The following WDFY4 variants were observed in gnomAD, a reference collection of about 807,000 sequenced individuals.
WDFY4 encodes the protein WDFY family member 4.
In WDFY4, 169 loss-of-function variants were observed where a neutral mutation model predicts 351.9. The observed-to-expected ratio is 0.48, with a 90% confidence interval of 0.42 to 0.55. The LOEUF (loss-of-function observed/expected upper bound fraction) is 0.55. Ranked by LOEUF, WDFY4 falls within the 20% of genes least tolerant of loss-of-function variation. WDFY4 has a pLI of 0.00. For synonymous variants in WDFY4, 1,622 were observed against 1,574.6 expected (o/e 1.03, Z -0.71); for missense variants, 3,803 against 3,935.6 (o/e 0.97, Z 0.90).
intron 25 of WDFY4, chr10:48,804,806 T>TTC: frequency 2.0e-6 from 2 of 983,760 alleles, no homozygotes; most frequent in Non-Finnish European, 2.4e-6. Context: ...TTCTGTCTTT[T>TTC]TCTCCTTTGA....
intron 37 of WDFY4, 39 bp downstream of exon 37, chr10:48,828,935 G>GGC (rs2068096366): frequency 1.2e-5 from 3 of 259,626 alleles, no homozygotes; most frequent in African/African-American, 5.2e-5. Flanking sequence ...GGCGGGGGGG[G>GGC]GGCGGGGAGG....
chr10:48,764,388 T>C (rs1324646736), intron 13 of WDFY4, among the ~76,000 whole-genome samples: 2 of 152,238 alleles, frequency 1.3e-5, no homozygotes, highest in Non-Finnish European at 2.9e-5. Context: ...GGATTTTTAC[T>C]ATGCACAGTG....
chr10:48,945,322 G>A (rs890891389), intron 49 of WDFY4, among the ~76,000 whole-genome samples: 6 of 152,162 alleles, frequency 3.9e-5, no homozygotes, highest in Admixed American at 3.9e-4. Context: ...GCTGCAGTGA[G>A]CCAGGACCAC....
rs1344776544 is a variant in WDFY4, at chr10:48,828,828, A to G, written c.6272A>G (p.His2091Arg). ...CCCAAGCCTAGAATGTCTACTTATC[A>G]TCAAGTCTTCCTTTCCCCAAATGAA... ...LEPKPRMSTY[H>R]QVFLSPNEDV... is the part of the protein sequence containing the mutation. Residue 2091 changes from histidine (H) to arginine (R), a missense_variant, in exon 37 of 62, where the codon CAT (histidine) becomes CGT (arginine). By Grantham distance (29) the His-to-Arg change is conservative (BLOSUM62 0). Around this residue, in one of 3 missense-constraint regions of WDFY4, gnomAD observed 3,054 missense variants for 3,148.6 expected, o/e 0.97. Coordinates refer to ENST00000325239, the MANE Select transcript of WDFY4 (RefSeq NM_001394531.1). 1.0e-5 allele frequency: 16 copies of G among 1,548,866 alleles called. No homozygotes were observed. Among genetic ancestry groups the G allele is most frequent in the South Asian group, 2.4e-5 (2 of 83,774 alleles).
intron 1 of WDFY4, among the ~76,000 whole-genome samples, chr10:48,707,408 CT>C (rs1382901206): frequency 1.8e-4 from 27 of 152,166 alleles, no homozygotes; most frequent in African/African-American, 6.5e-4. Context: ...TTCAGTTCTG[CT>C]GCCCCTGCCT....
chr10:48,958,409 G>A (rs909363894), intron 52 of WDFY4, among the ~76,000 whole-genome samples: 1 of 152,176 alleles, frequency 6.6e-6, no homozygotes, highest in Admixed American at 6.5e-5. Flanking sequence ...GGAGGCGGCT[G>A]GCCAGCCCGG....
At chr10:48,738,257 T>A (rs2064736747) in intron 11 of WDFY4, among the ~76,000 whole-genome samples, 2 of 152,216 alleles carry the variant, frequency 1.3e-5, no homozygotes, top group Admixed American at 6.5e-5. Context: ...TCATAGAAAG[T>A]TCCTTTTGTT....
intron 38 of WDFY4, 115 bp downstream of exon 38, chr10:48,831,000 C>A: frequency 1.0e-6 from 1 of 993,766 alleles, no homozygotes; most frequent in Non-Finnish European, 1.5e-6. Flanking sequence ...CTGTCTCATC[C>A]CTTAAGTGGA....
chr10:48,883,787 C>T (rs571495311), intron 43 of WDFY4, among the ~76,000 whole-genome samples: 193 of 152,264 alleles, frequency 1.3e-3, no homozygotes, highest in Non-Finnish European at 2.5e-3. Context: ...CTGGTGGTGC[C>T]GGGGCTAGGG....
chr10:48,863,600 C>T (rs992472880), intron 39 of WDFY4, among the ~76,000 whole-genome samples: 8 of 151,996 alleles, frequency 5.3e-5, no homozygotes, highest in African/African-American at 1.9e-4. Flanking sequence ...AGATATGAGT[C>T]CCTTATCAGA....
chr10:48,890,627 G>A lies in WDFY4; in HGVS notation c.7216G>A (p.Glu2406Lys). 6.4e-7 allele frequency: 1 copy of A among 1,551,732 alleles called. No homozygotes were observed. Among genetic ancestry groups the A allele is most frequent in the Non-Finnish European group, 8.7e-7 (1 of 1,146,994 alleles). The change falls in exon 44 of 62, where the codon GAA becomes AAA. Residue 2406 changes from glutamate to lysine, a missense_variant. Transcript: ENST00000325239. ...GATTGTGCAGGGCCACCTGGTGTCAGAAGGGGTCCTGCTTTTTGGCCACCA... is the reference window on the plus strand; with the variant it reads ...GATTGTGCAGGGCCACCTGGTGTCAAAAGGGGTCCTGCTTTTTGGCCACCA... ...LVIVQGHLVS[E>K]GVLLFGHQHF...
chr10:48,804,518 G>T (rs1290553903), intron 25 of WDFY4, among the ~76,000 whole-genome samples: 2 of 145,594 alleles, frequency 1.4e-5, no homozygotes, highest in African/African-American at 5.1e-5. Context: ...TGCCTCTTTT[G>T]TGTATCAGGG....
chr10:48,908,677 T>C (rs1344880407), intron 47 of WDFY4, among the ~76,000 whole-genome samples: 1 of 152,100 alleles, frequency 6.6e-6, no homozygotes, highest in African/African-American at 2.4e-5. Flanking sequence ...GTTGCAAAAA[T>C]AGTACAGAGA....
intron 47 of WDFY4, among the ~76,000 whole-genome samples, chr10:48,903,245 C>T (rs899039399): frequency 3.9e-5 from 6 of 152,088 alleles, no homozygotes; most frequent in African/African-American, 1.4e-4. Context: ...AGGGAGGTCA[C>T]AGGGGATAGT....
chr10:48,925,313 C>T (rs1302745527), intron 47 of WDFY4, among the ~76,000 whole-genome samples: 13 of 152,106 alleles, frequency 8.5e-5, no homozygotes, highest in Admixed American at 5.9e-4. Context: ...TGTATCTTCA[C>T]AGATGAAGTC....
intron 1 of WDFY4, among the ~76,000 whole-genome samples, chr10:48,694,934 T>C (rs953813380): frequency 1.6e-4 from 25 of 152,190 alleles, no homozygotes; most frequent in African/African-American, 6.0e-4. Context: ...GCCCAATGAC[T>C]GTCCCACTGC....
chr10:48,803,168 T>G, intron 24 of WDFY4, 118 bp from the exon 25 acceptor site: 1 of 944,934 alleles, frequency 1.1e-6, no homozygotes, highest in Non-Finnish European at 1.6e-6. Flanking sequence ...AGCTGGTACA[T>G]CATGTTGATG....
At chr10:48,751,480 T>C (rs2065179703) in intron 12 of WDFY4, among the ~76,000 whole-genome samples, 1 of 152,132 alleles carries the variant, frequency 6.6e-6, no homozygotes, top group Admixed American at 6.5e-5. Flanking sequence ...GGCAGTAGCT[T>C]GAACAGGAGA....
At chr10:48,945,436 C>T (rs1270720284) in intron 49 of WDFY4, among the ~76,000 whole-genome samples, 1 of 152,088 alleles carries the variant, frequency 6.6e-6, no homozygotes, top group African/African-American at 2.4e-5. Context: ...ATGCAAACCC[C>T]AGCAATTCTT....
Sources: gnomAD v4.1 joint callset for allele counts (sites outside exome capture counted in the v4.1 genomes callset) on GRCh38, gnomAD v4.1.1 for gene constraint, gnomAD v4.1.1 regional missense constraint, MANE v1.5 for transcripts, NCBI Gene and HGNC (gene_info 2026-07-23, HGNC 2026-07-21) for gene names.